The following RTN3 variants were observed in gnomAD, a reference collection of about 807,000 sequenced individuals.
RTN3 encodes the protein reticulon 3.
In RTN3, 49 loss-of-function variants were observed where a neutral mutation model predicts 77.8. The observed-to-expected ratio is 0.63, with a 90% CI of 0.50 to 0.80. RTN3 has a LOEUF of 0.80. Ranked by LOEUF, RTN3 falls within the 30% of genes least tolerant of loss-of-function variation. The probability of loss-of-function intolerance (pLI) is 0.00; values close to 1 mark genes in which losing one functional copy is unlikely to be tolerated. For missense variants in RTN3, 1,236 were observed against 1,211.9 expected (o/e 1.02, Z -0.29); for synonymous variants, 464 against 446.9 (o/e 1.04, Z -0.48).
chr11:63,737,840 C>T (rs1249286689), intron 3 of RTN3, among the ~76,000 whole-genome samples: 1 of 152,226 alleles, frequency 6.6e-6, no homozygotes, highest in Admixed American at 6.5e-5. Flanking sequence ...ACATATTTCT[C>T]TGGCCTGCTG....
chr11:63,702,337 C>CAA, intron 1 of RTN3, among the ~76,000 whole-genome samples: 1 of 149,026 alleles, frequency 6.7e-6, no homozygotes, highest in East Asian at 2.0e-4. Context: ...TTTTTTGAGA[C>CAA]AGAGTCTCGC....
chr11:63,686,046 T>TA (rs1014410098), intron 1 of RTN3, among the ~76,000 whole-genome samples: 26 of 152,234 alleles, frequency 1.7e-4, no homozygotes, highest in African/African-American at 5.5e-4. Context: ...GAGGTTGAGG[T>TA]AAAAGAGACT....
chr11:63,689,838 A>G (rs1590777101), intron 1 of RTN3, among the ~76,000 whole-genome samples: 1 of 150,884 alleles, frequency 6.6e-6, no homozygotes, highest in African/African-American at 2.4e-5. Context: ...GCTCACTGCA[A>G]CCTCCGCCCC....
At chr11:63,741,884 A>T (rs1301432553) in intron 3 of RTN3, among the ~76,000 whole-genome samples, 3 of 151,956 alleles carry the variant, frequency 2.0e-5, no homozygotes, top group Non-Finnish European at 4.4e-5. Context: ...TTATCTTTCG[A>T]CCAGTACTAT....
At chr11:63,724,738 G>A (rs538325646) in intron 3 of RTN3, among the ~76,000 whole-genome samples, 8 of 151,514 alleles carry the variant, frequency 5.3e-5, no homozygotes, top group Middle Eastern at 6.9e-3. Flanking sequence ...TGATCCGCCC[G>A]CCTTGGCTTC....
intron 3 of RTN3, among the ~76,000 whole-genome samples, chr11:63,724,872 C>G (rs1407582495): frequency 6.6e-6 from 1 of 151,610 alleles, no homozygotes; most frequent in Non-Finnish European, 1.5e-5. Flanking sequence ...TGGCAGATAT[C>G]TCGGTGTCTT....
intron 1 of RTN3, among the ~76,000 whole-genome samples, chr11:63,700,107 A>C (rs1942159352): frequency 6.6e-6 from 1 of 152,100 alleles, no homozygotes; most frequent in African/African-American, 2.4e-5. Context: ...GAAGGTGAAA[A>C]GGCAAACAGC....
At chr11:63,756,593 GAA>G (rs959048384) in intron 8 of RTN3, among the ~76,000 whole-genome samples, 1 of 151,782 alleles carries the variant, frequency 6.6e-6, no homozygotes, top group Non-Finnish European at 1.5e-5. Flanking sequence ...GGATCAATGG[GAA>G]AAAAAAGATC....
At chr11:63,726,831 C>T (rs1334969844) in intron 3 of RTN3, among the ~76,000 whole-genome samples, 1 of 147,968 alleles carries the variant, frequency 6.8e-6, no homozygotes, top group Non-Finnish European at 1.5e-5. Flanking sequence ...CATTGCACTA[C>T]AGCCTGGGTG....
chr11:63,696,225 C>T (rs61928202), intron 1 of RTN3, among the ~76,000 whole-genome samples: 16,563 of 150,850 alleles, frequency 0.11, 1,015 homozygotes, highest in South Asian at 0.16. Context: ...GGTGAAACCC[C>T]GTCTCTACTA....
intron 1 of RTN3, among the ~76,000 whole-genome samples, chr11:63,697,560 C>CT (rs1021414826): frequency 1.3e-4 from 20 of 152,184 alleles, no homozygotes; most frequent in African/African-American, 4.6e-4. Flanking sequence ...ACTGCAACCT[C>CT]TGCCTCCTGG....
intron 3 of RTN3, among the ~76,000 whole-genome samples, chr11:63,734,154 G>A (rs2012905839): frequency 6.6e-6 from 1 of 152,074 alleles, no homozygotes; most frequent in African/African-American, 2.4e-5. Flanking sequence ...CCTGAAGATT[G>A]GGTACAATGT....
At chr11:63,682,327 T>TG (rs1205522571) in intron 1 of RTN3, among the ~76,000 whole-genome samples, 1 of 152,114 alleles carries the variant, frequency 6.6e-6, no homozygotes, top group Non-Finnish European at 1.5e-5. Context: ...AGCCTGTTTT[T>TG]TTTGTTTGTT....
In RTN3 at chr11:63,742,629, G is replaced by T. The variant is rs2013554602; in HGVS notation, c.2531-7362G>T. On this transcript the variant is annotated intron_variant, in intron 3 of 8. Transcript: ENST00000377819. ...CACTGCACTCCAGCCTGGGCAACAA[G>T]AACAAAACTCCATCACACACAAAAA... Among the ~76,000 whole-genome samples the T allele has an allele frequency of 2.6e-5, 4 of 151,956 alleles. No homozygotes were observed. In the South Asian group the frequency reaches 6.2e-4, roughly 24 times the overall value.
At chr11:63,690,210 G>A (rs1249593406) in intron 1 of RTN3, among the ~76,000 whole-genome samples, 1 of 152,150 alleles carries the variant, frequency 6.6e-6, no homozygotes, top group East Asian at 1.9e-4. Flanking sequence ...AGGACATTCT[G>A]GAAAACCTTT....
intron 1 of RTN3, among the ~76,000 whole-genome samples, chr11:63,685,840 C>T (rs1374516201): frequency 6.6e-6 from 1 of 152,132 alleles, no homozygotes; most frequent in East Asian, 1.9e-4. Context: ...TCTTGACTGA[C>T]CTGTCCAGTA....
rs201074433 is a variant in RTN3 at position 63,719,880 on chromosome 11, T to C, written c.1378T>C (p.Ser460Pro). The C allele has an allele frequency of 1.1e-4, 181 of 1,614,132 alleles. No individual in the cohort carries two copies. The South Asian group carries it at 1.8e-3, about 16-fold the overall frequency. The change falls in exon 3 of 9, where the codon TCT becomes CCT. Residue 460 changes from serine to proline, a missense_variant. Coordinates refer to ENST00000377819, the MANE Select transcript of RTN3 (RefSeq NM_001265589.2). ...TGGATCTCCACCTGAGAAATGTGAC[T>C]CTTTGGGTTCTGGAGTGGCCACAGT... ...LPGSPPEKCDSLGSGVATVKV... is the reference protein window; with the variant it reads ...LPGSPPEKCDPLGSGVATVKV...
At chr11:63,745,923 G>A (rs1440913716) in intron 3 of RTN3, among the ~76,000 whole-genome samples, 4 of 152,194 alleles carry the variant, frequency 2.6e-5, no homozygotes, top group African/African-American at 9.7e-5. Flanking sequence ...TGATTCTCCT[G>A]CCTCAACCTT....
chr11:63,703,661 G>A (rs1467331153), intron 1 of RTN3, among the ~76,000 whole-genome samples: 2 of 151,228 alleles, frequency 1.3e-5, no homozygotes, highest in Non-Finnish European at 2.9e-5. Flanking sequence ...TCCTGCCTCA[G>A]CCTCCCGAGT....
Sources: allele counts gnomAD v4.1 joint callset (sites outside exome capture counted in the v4.1 genomes callset), GRCh38; gene constraint gnomAD v4.1.1; transcripts MANE v1.5; gene names NCBI Gene and HGNC (gene_info 2026-07-23, HGNC 2026-07-21).